The following WASF2 variants were observed in gnomAD, a reference collection of about 807,000 sequenced individuals.
WASF2 encodes the protein WASP family member 2.
WASF2 carries 14 observed loss-of-function variants against 45.0 expected under a neutral mutation model. The ratio of observed to expected loss-of-function variants is 0.31; its 90% CI spans 0.21 to 0.49. WASF2 has a LOEUF of 0.49. Ranked by LOEUF, WASF2 falls within the 20% of genes least tolerant of loss-of-function variation. WASF2 has a pLI of 0.99. For synonymous variants in WASF2, 200 were observed against 236.3 expected (o/e 0.85, Z 1.41); for missense variants, 439 against 636.1 (o/e 0.69, Z 3.33).
intron 1 of WASF2, among the ~76,000 whole-genome samples, chr1:27,447,587 T>C (rs534422653): frequency 5.9e-5 from 9 of 152,300 alleles, no homozygotes; most frequent in African/African-American, 2.2e-4. Context: ...GAAAGTTATT[T>C]TGTGGTCCGA....
At chr1:27,468,035 G>T (rs1384979529) in intron 1 of WASF2, among the ~76,000 whole-genome samples, 1 of 151,984 alleles carries the variant, frequency 6.6e-6, no homozygotes, top group Non-Finnish European at 1.5e-5. Flanking sequence ...CTGGGTTAAA[G>T]CAATTCTCGT....
chr1:27,453,783 G>A (rs1254255916), intron 1 of WASF2, among the ~76,000 whole-genome samples: 1 of 151,766 alleles, frequency 6.6e-6, no homozygotes, highest in African/African-American at 2.4e-5. Context: ...CCCAGCTACT[G>A]GGGGGCTAAG....
chr1:27,449,923 C>A lies in WASF2; in HGVS notation c.-43-20990G>T, dbSNP rs552562264. On this transcript the variant is annotated intron_variant, in intron 1 of 8. Coordinates refer to ENST00000618852, the MANE Select transcript of WASF2 (RefSeq NM_006990.5). The stretch of plus-strand genomic sequence containing the variant: ...CTTTGGGAGGCTGAGGTGGGCGGAT[C>A]GTCTGAGGTCAGGAGTTCGAGACCA... 5.3e-5 allele frequency among the ~76,000 whole-genome samples: 8 copies of A among 152,200 alleles called. No individual in the cohort carries two copies. The South Asian group carries it at 1.7e-3, about 32-fold the overall frequency.
intron 1 of WASF2, among the ~76,000 whole-genome samples, chr1:27,487,258 GC>G (rs1170719449): frequency 6.9e-6 from 1 of 145,314 alleles, no homozygotes; most frequent in Non-Finnish European, 1.5e-5. Context: ...CCGCCACCAC[GC>G]CCGGCTACTT....
At chr1:27,449,171 C>A (rs1025242540) in intron 1 of WASF2, among the ~76,000 whole-genome samples, 2 of 152,172 alleles carry the variant, frequency 1.3e-5, no homozygotes, top group African/African-American at 4.8e-5. Flanking sequence ...CATGTCTATA[C>A]CATCACACGG....
chr1:27,477,234 G>A (rs1274907746), intron 1 of WASF2, among the ~76,000 whole-genome samples: 2 of 152,162 alleles, frequency 1.3e-5, no homozygotes, highest in Non-Finnish European at 2.9e-5. Context: ...TATGAGTACA[G>A]ATTTTTTTTA....
At chr1:27,447,665 A>G (rs2017328720) in intron 1 of WASF2, among the ~76,000 whole-genome samples, 1 of 152,230 alleles carries the variant, frequency 6.6e-6, no homozygotes, top group South Asian at 2.1e-4. Context: ...AACAGTCACG[A>G]AAGTTTAGCT....
intron 2 of WASF2, among the ~76,000 whole-genome samples, chr1:27,424,881 G>A (rs2016956900): frequency 6.6e-6 from 1 of 152,140 alleles, no homozygotes; most frequent in Non-Finnish European, 1.5e-5. Context: ...TGTAACGGGA[G>A]CTCAGAGGAA....
intron 1 of WASF2, among the ~76,000 whole-genome samples, chr1:27,453,036 T>C (rs1227206197): frequency 6.7e-6 from 1 of 148,594 alleles, no homozygotes; most frequent in African/African-American, 2.5e-5. Context: ...TGAAACCCCA[T>C]CACTACTAAA....
intron 1 of WASF2, among the ~76,000 whole-genome samples, chr1:27,454,907 A>G (rs1361772514): frequency 6.6e-6 from 1 of 152,084 alleles, no homozygotes; most frequent in Non-Finnish European, 1.5e-5. Context: ...TTGTTTTGCT[A>G]TTGTCAACAG....
intron 1 of WASF2, among the ~76,000 whole-genome samples, chr1:27,464,638 C>G (rs2017590647): frequency 6.6e-6 from 1 of 152,218 alleles, no homozygotes; most frequent in Non-Finnish European, 1.5e-5. Flanking sequence ...ACACAATTAT[C>G]TGAGTGAGGT....
chr1:27,438,081 A>G (rs2017160799), intron 1 of WASF2, among the ~76,000 whole-genome samples: 1 of 152,224 alleles, frequency 6.6e-6, no homozygotes, highest in Admixed American at 6.5e-5. Context: ...TTGAGATAAG[A>G]GGACAGATAC....
rs71785131 is a variant in WASF2 at position 27,426,513 on chromosome 1, A to ATT, written c.130+2246_130+2247dup. On this transcript the variant is annotated intron_variant, in intron 2 of 8. Coordinates refer to ENST00000618852, the MANE Select transcript of WASF2 (RefSeq NM_006990.5). The stretch of plus-strand genomic sequence containing the variant: ...GTATCTCTTTAGGCAAGTTAACTTA[A>ATT]TTTTTTTTTTTTTTTGAGATGAAGT... Among the ~76,000 whole-genome samples the ATT allele has an allele frequency of 4.6e-3, 661 of 145,232 alleles. 2 individuals are homozygous for ATT. Among genetic ancestry groups the ATT allele is most frequent in the East Asian group, 0.017 (84 of 5,000 alleles).
intron 4 of WASF2, among the ~76,000 whole-genome samples, chr1:27,417,819 C>T (rs2016847148): frequency 6.6e-6 from 1 of 152,226 alleles, no homozygotes; most frequent in African/African-American, 2.4e-5. Flanking sequence ...AGCAGCCAGG[C>T]CAAGAGGCTG....
At chr1:27,482,390 C>T (rs867301910) in intron 1 of WASF2, among the ~76,000 whole-genome samples, 18 of 152,276 alleles carry the variant, frequency 1.2e-4, no homozygotes, top group African/African-American at 4.1e-4. Context: ...TATGCGGGGA[C>T]ATCAAGAGAT....
chr1:27,463,793 T>G (rs2017579715), intron 1 of WASF2, among the ~76,000 whole-genome samples: 1 of 148,564 alleles, frequency 6.7e-6, no homozygotes, highest in Non-Finnish European at 1.5e-5. Flanking sequence ...CTCCTTTATA[T>G]TATTATTATT....
At chr1:27,439,624 T>C (rs979602575) in intron 1 of WASF2, among the ~76,000 whole-genome samples, 1 of 152,082 alleles carries the variant, frequency 6.6e-6, no homozygotes. Context: ...AGCAAATAAA[T>C]AGAAGTTCAA....
Position 27,410,012 on chromosome 1 carries a change from C to A in WASF2, c.1019G>T (p.Gly340Val). The A allele has an allele frequency of 1.2e-6, 2 of 1,613,416 alleles. No homozygotes were observed. The highest frequency in any genetic ancestry group is 1.7e-6 in the Non-Finnish European group (2 of 1,179,826). Reference sequence around the variant, plus strand: ...TGGAGGCGTCCCTGGAGACCCAAATCCTACAGGCGGTGGTGGAGGTGGGAT... The same window carrying A: ...TGGAGGCGTCCCTGGAGACCCAAATACTACAGGCGGTGGTGGAGGTGGGAT... ...IGIPPPPPPVGFGSPGTPPPP... is the reference protein window; with the variant it reads ...IGIPPPPPPVVFGSPGTPPPP... The change falls in exon 8 of 9, where the codon GGA (glycine) becomes GTA (valine). Residue 340 changes from glycine to valine, a missense_variant. This residue lies in a region of WASF2 where 286 missense variants were observed against 373.5 expected (regional missense o/e 0.77). Coordinates refer to ENST00000618852, the MANE Select transcript of WASF2 (RefSeq NM_006990.5). The surrounding 1 kb of genome is among the most constrained non-coding windows in gnomAD (Gnocchi z 4.2).
chr1:27,409,748 G>T lies in WASF2; in HGVS notation c.1283C>A (p.Ser428Tyr). The stretch of plus-strand genomic sequence containing the variant: ...GGCATCGCTCACGGCAGGCAAGGAG[G>T]ACTTGGGCTTGGTGGTATCAGAAAG... ...PPLSDTTKPK[S>Y]SLPAVSDARS... Residue 428 changes from serine (S) to tyrosine (Y), a missense_variant, in exon 8 of 9, where the codon TCC (serine) becomes TAC (tyrosine). This residue lies in a region of WASF2 where 286 missense variants were observed against 373.5 expected (regional missense o/e 0.77). Coordinates refer to ENST00000618852, the MANE Select transcript of WASF2 (RefSeq NM_006990.5). The T allele has an allele frequency of 2.0e-6, 3 of 1,526,534 alleles. No homozygotes were observed. Among genetic ancestry groups the T allele is most frequent in the Non-Finnish European group, 2.6e-6 (3 of 1,139,660 alleles). The allele number at this position is 1,526,534 out of a possible 1,614,324, so 94.6% of individuals were successfully genotyped here.
Sources: allele counts gnomAD v4.1 joint callset (sites outside exome capture counted in the v4.1 genomes callset), GRCh38; gene constraint gnomAD v4.1.1; regional missense constraint gnomAD v4.1.1; non-coding constraint Gnocchi (gnomAD v3.1); transcripts MANE v1.5; gene names NCBI Gene and HGNC (gene_info 2026-07-23, HGNC 2026-07-21).